SLC35D1: variants seen among roughly 807,000 people sequenced by gnomAD.
SLC35D1 encodes solute carrier family 35 member D1.
SLC35D1 carries 31 observed loss-of-function variants against 46.7 expected under a neutral mutation model. The observed-to-expected ratio is 0.66, with a 90% CI of 0.50 to 0.90. SLC35D1 has a LOEUF of 0.90. Ranked by LOEUF, SLC35D1 falls within the 40% of genes least tolerant of loss-of-function variation. The pLI, the probability that SLC35D1 is intolerant of heterozygous loss-of-function variation, is 0.00. For synonymous variants in SLC35D1, 195 were observed against 164.6 expected, an observed-to-expected ratio of 1.18 and a Z score of -1.41; for missense variants, 397 against 426.2, an observed-to-expected ratio of 0.93 and a Z score of 0.60.
downstream of SLC35D1, among the ~76,000 whole-genome samples, chr1:66,997,576 T>C (rs1041969627): frequency 1.3e-4 from 17 of 132,308 alleles, no homozygotes; most frequent in African/African-American, 4.8e-4. Context: ...TGTGTATATA[T>C]ATACACACAC....
chr1:66,985,403 A>G, the SLC35D1 span: 4 of 983,084 alleles, frequency 4.1e-6, no homozygotes, highest in Non-Finnish European at 4.8e-6. Flanking sequence ...TTATTAAGGA[A>G]ACCCTTACGA....
intron 10 of SLC35D1, among the ~76,000 whole-genome samples, 197 bp from the exon 11 acceptor site, chr1:67,009,364 C>A (rs962882179): frequency 6.6e-5 from 10 of 152,134 alleles, no homozygotes; most frequent in Non-Finnish European, 1.2e-4. Context: ...TCTTCCCAAT[C>A]GATTTCTCCA....
rs1398883472 is a variant in SLC35D1 at position 67,000,728 on chromosome 1, C to G, written c.*3612G>C. On this transcript the variant is annotated 3_prime_UTR_variant, in exon 12 of 12. Coordinates refer to ENST00000235345, the MANE Select transcript of SLC35D1 (RefSeq NM_015139.3). ...CTTTTTTCCTCAGGGAGAGAAAAAT[C>G]AATTACAGTCTTGTTCATAGGAAAA... 1.3e-5 allele frequency: 2 copies of G among 152,210 alleles called. No individual in the cohort carries two copies. Among genetic ancestry groups the G allele is most frequent in the African/African-American group, 4.8e-5 (2 of 41,414 alleles). 9.4% of individuals were successfully genotyped at this position (152,210 alleles called of 1,614,324 possible).
the SLC35D1 span, among the ~76,000 whole-genome samples, chr1:66,973,891 G>T: frequency 6.6e-6 from 1 of 152,062 alleles, no homozygotes. Flanking sequence ...CCAGGACCTT[G>T]TTGAAAGTAC....
At chr1:66,987,495 A>G in the SLC35D1 span, 1 of 152,696 alleles carries the variant, frequency 6.5e-6, no homozygotes, top group Non-Finnish European at 1.5e-5. Context: ...TCAGTTCAAC[A>G]CAAGTTTGTT....
intron 5 of SLC35D1, 132 bp downstream of exon 5, chr1:67,050,301 A>G (rs911699309): frequency 8.8e-6 from 6 of 680,224 alleles, no homozygotes; most frequent in African/African-American, 1.8e-5. Context: ...CAATTCCAGC[A>G]GCCAAGAGAG....
In SLC35D1 at chr1:67,002,641, A is replaced by G. The variant is rs1486284866; in HGVS notation, c.*1699T>C. 6.6e-6 allele frequency: 1 copy of G among 152,340 alleles called. No individual in the cohort carries two copies. Among genetic ancestry groups the G allele is most frequent in the African/African-American group, 2.4e-5 (1 of 41,456 alleles). 9.4% of individuals were successfully genotyped at this position (152,340 alleles called of 1,614,324 possible). A position where few individuals can be genotyped will look rare whatever the true frequency, so the allele number is the denominator to read the frequency against. ...GGGAGTTGGTTGCAGGGATAATTCT[A>G]GGGACACAGCACCACCAGCCAAGCT... On this transcript the variant is annotated 3_prime_UTR_variant, in exon 12 of 12. Coordinates refer to ENST00000235345, the MANE Select transcript of SLC35D1 (RefSeq NM_015139.3).
the SLC35D1 span, among the ~76,000 whole-genome samples, chr1:66,974,500 T>A: frequency 6.6e-6 from 1 of 152,010 alleles, no homozygotes; most frequent in African/African-American, 2.4e-5. Flanking sequence ...CAAACCATGC[T>A]GAATTACCTA....
intron 1 of SLC35D1, 48 bp from the exon 2 acceptor site, chr1:67,053,037 A>T (rs779423453): frequency 1.2e-6 from 2 of 1,607,252 alleles, no homozygotes; most frequent in East Asian, 2.2e-5. Flanking sequence ...AACCTAACTT[A>T]GCTCCGTGAA....
At chr1:66,974,647 AAC>A in the SLC35D1 span, among the ~76,000 whole-genome samples, 4 of 152,270 alleles carry the variant, frequency 2.6e-5, no homozygotes, top group East Asian at 7.7e-4. Context: ...TTAAAAGTAT[AAC>A]CTTGATTTCT....
At chr1:66,973,630 A>G in the SLC35D1 span, among the ~76,000 whole-genome samples, 1 of 152,104 alleles carries the variant, frequency 6.6e-6, no homozygotes, top group Admixed American at 6.5e-5. Flanking sequence ...CTTAATTCTT[A>G]TAACTGAAAT....
At chr1:66,976,248 C>CAT in the SLC35D1 span, among the ~76,000 whole-genome samples, 8 of 152,060 alleles carry the variant, frequency 5.3e-5, no homozygotes, top group Admixed American at 6.5e-5. Context: ...GTGATCCACC[C>CAT]CCCTTGGCCT....
the SLC35D1 span, chr1:66,981,733 A>G: frequency 1.3e-6 from 2 of 1,483,756 alleles, no homozygotes; most frequent in Non-Finnish European, 1.8e-6. Context: ...ACTAATTTTT[A>G]ATTTTCAGCT....
At chr1:67,013,094 C>G (rs1253809900) in intron 10 of SLC35D1, among the ~76,000 whole-genome samples, 1 of 130,160 alleles carries the variant, frequency 7.7e-6, no homozygotes, top group Non-Finnish European at 1.6e-5. Context: ...TAAAAGTCAG[C>G]TTAATTAAAA....
chr1:67,037,368 G>C (rs1193412791), intron 8 of SLC35D1, among the ~76,000 whole-genome samples: 1 of 152,078 alleles, frequency 6.6e-6, no homozygotes, highest in Non-Finnish European at 1.5e-5. Flanking sequence ...GGGAGTATGT[G>C]AGTAAGATTA....
chr1:67,021,712 G>GACAC (rs1238454225), intron 8 of SLC35D1, 110 bp from the exon 9 acceptor site: 49 of 353,498 alleles, frequency 1.4e-4, no homozygotes, highest in African/African-American at 9.5e-4. Flanking sequence ...CACAGACACA[G>GACAC]ACACAGACAC....
intron 11 of SLC35D1, among the ~76,000 whole-genome samples, chr1:67,006,319 A>G (rs1267578692): frequency 1.3e-5 from 2 of 152,176 alleles, no homozygotes; most frequent in Non-Finnish European, 2.9e-5. Context: ...GGACCCAAGA[A>G]GATGGCTTAC....
intron 10 of SLC35D1, among the ~76,000 whole-genome samples, chr1:67,009,591 C>T (rs916679508): frequency 6.6e-6 from 1 of 152,196 alleles, no homozygotes; most frequent in African/African-American, 2.4e-5. Flanking sequence ...AAAGGCTCAT[C>T]ACCAATCATC....
At chr1:67,039,518 T>C (rs1358225791) in intron 8 of SLC35D1, among the ~76,000 whole-genome samples, 1 of 146,300 alleles carries the variant, frequency 6.8e-6, no homozygotes, top group African/African-American at 2.7e-5. Context: ...TGTGTGTGTG[T>C]GTGCGCGCGT....
Sources: gnomAD v4.1 joint callset for allele counts (sites outside exome capture counted in the v4.1 genomes callset) on GRCh38, gnomAD v4.1.1 for gene constraint, MANE v1.5 for transcripts, NCBI Gene and HGNC (gene_info 2026-07-23, HGNC 2026-07-21) for gene names.